Variants in MST1R observed in about 807,000 individuals in gnomAD.
The protein encoded by MST1R is macrophage stimulating 1 receptor.
Under a neutral mutation model 117.8 loss-of-function variants are expected in MST1R, and 99 were observed. The ratio of observed to expected loss-of-function variants is 0.84; its 90% CI spans 0.71 to 0.99. The LOEUF is 0.99. Ranked by LOEUF, MST1R falls within the 50% of genes least tolerant of loss-of-function variation. MST1R has a pLI of 0.00. For missense variants in MST1R, 1,683 were observed against 1,840.2 expected (o/e 0.91, Z 1.56); for synonymous variants, 734 against 765.3 (o/e 0.96, Z 0.68).
chr3:49,891,625 T>C (rs1420442874), intron 15 of MST1R, 45 bp from the exon 16 acceptor site: 13 of 1,611,668 alleles, frequency 8.1e-6, no homozygotes, highest in Non-Finnish European at 1.1e-5. Context: ...CGTCCCTTTA[T>C]AAGGCTCAGA....
intron 1 of MST1R, among the ~76,000 whole-genome samples, chr3:49,900,487 C>T (rs2082642162): frequency 6.6e-6 from 1 of 152,200 alleles, no homozygotes; most frequent in African/African-American, 2.4e-5. Context: ...AAGGCTCCAT[C>T]AGACCACAGA....
In MST1R at chr3:49,891,206, C is replaced by T. The variant is rs1008363508; in HGVS notation, c.3635G>A (p.Arg1212Gln). The T allele has an allele frequency of 1.7e-5, 28 of 1,613,704 alleles. No homozygotes were observed. Among genetic ancestry groups the T allele is most frequent in the Admixed American group, 1.3e-4 (8 of 60,010 alleles). The change falls in exon 17 of 20, where the codon CGG becomes CAG. Residue 1212 changes from arginine (R) to glutamine (Q), a missense_variant. Arg to Gln is a conservative substitution (Grantham distance 43). Coordinates refer to ENST00000296474, the MANE Select transcript of MST1R (RefSeq NM_002447.4). ...QKFVHRDLAA[R>Q]NCMLDESFTV... The stretch of plus-strand genomic sequence containing the variant: ...TACTCTGGACTCTCACATGCAGTTC[C>T]GCGCAGCCAGGTCCCTGTGCACAAA...
At chr3:49,888,435 CAA>C (rs35017850) in intron 19 of MST1R, among the ~76,000 whole-genome samples, 14 of 105,572 alleles carry the variant, frequency 1.3e-4, no homozygotes, top group African/African-American at 1.1e-4. Flanking sequence ...GACTCCATCT[CAA>C]AAAAAAAAAA....
intron 1 of MST1R, 77 bp downstream of exon 1, chr3:49,902,303 C>A: frequency 6.5e-7 from 1 of 1,534,282 alleles, no homozygotes. Context: ...CAGATCCCCT[C>A]AGTGATGGAA....
At chr3:49,897,782 G>A in intron 5 of MST1R, 97 bp from the exon 6 acceptor site, 1 of 1,453,778 alleles carries the variant, frequency 6.9e-7, no homozygotes, top group Admixed American at 2.3e-5. Flanking sequence ...GCCAGAGAAT[G>A]GCATTTCTCC....
Position 49,898,364 on chromosome 3 carries a change from T to C in MST1R, c.1720-153A>G, listed in dbSNP as rs1415365199. ...TCAAGCACTTTCCTGCCTCCAAGTC[T>C]TTGCATGTGGCATCCCCTCTGACAA... On this transcript the variant is annotated intron_variant, in intron 4 of 19. Coordinates refer to ENST00000296474, the MANE Select transcript of MST1R (RefSeq NM_002447.4). Among the ~76,000 whole-genome samples the C allele has an allele frequency of 2.0e-5, 3 of 152,200 alleles. No individual in the cohort carries two copies. The East Asian group carries it at 5.8e-4, about 29-fold the overall frequency.
In MST1R at chr3:49,897,556, T is replaced by C. The variant is rs2082522310; in HGVS notation, c.2010A>G (p.Val670=). The change falls in exon 6 of 20, where the codon GTA becomes GTG. Residue 670 remains valine, a synonymous_variant. Coordinates refer to ENST00000296474, the MANE Select transcript of MST1R (RefSeq NM_002447.4). ...TNMPPGKHFR[V]DGTSVLRGFS... ...AGCCTCTCAGCACGGAGGTGCCGTC[T>C]ACCCGGAAGTGCTTGCCCGGTGGCA... 6.2e-7 allele frequency: 1 copy of C among 1,614,062 alleles called. No individual in the cohort carries two copies. Among genetic ancestry groups the C allele is most frequent in the South Asian group, 1.1e-5 (1 of 91,088 alleles).
Position 49,890,625 on chromosome 3 carries a change from C to T in MST1R, c.3670G>A (p.Val1224Met). Residue 1224 changes from valine (V) to methionine (M), a missense_variant, in exon 18 of 20, where the codon GTG (valine) becomes ATG (methionine). Val to Met is a conservative substitution (Grantham distance 21). Coordinates refer to ENST00000296474, the MANE Select transcript of MST1R (RefSeq NM_002447.4). ...CMLDESFTVK[V>M]ADFGLARDIL... ...TCGCGGGCCAAACCAAAGTCAGCCACCTTGACTGTGAATGACTCGTCCAGC... is the reference window on the plus strand; with the variant it reads ...TCGCGGGCCAAACCAAAGTCAGCCATCTTGACTGTGAATGACTCGTCCAGC... The T allele has an allele frequency of 6.2e-7, 1 of 1,613,408 alleles. No homozygotes were observed. Among genetic ancestry groups the T allele is most frequent in the Admixed American group, 1.7e-5 (1 of 59,980 alleles).
chr3:49,895,046 C>A, intron 14 of MST1R, 121 bp downstream of exon 14: 1 of 984,314 alleles, frequency 1.0e-6, no homozygotes, highest in Non-Finnish European at 1.6e-6. Flanking sequence ...CTCCTGACCT[C>A]ATGATCTGCC....
chr3:49,895,440 A>T lies in MST1R; in HGVS notation c.3064+7T>A, dbSNP rs770170517. On this transcript the variant is annotated splice_region_variant and intron_variant, in intron 13 of 19. Coordinates refer to ENST00000296474, the MANE Select transcript of MST1R (RefSeq NM_002447.4). Reference sequence around the variant, plus strand: ...GGCTTTAGCTTCTCATGCCTCCACTATCTCACCAAGGCCACTTCTGTAGTC... The same window carrying T: ...GGCTTTAGCTTCTCATGCCTCCACTTTCTCACCAAGGCCACTTCTGTAGTC... 1.9e-6 allele frequency: 3 copies of T among 1,614,144 alleles called. No individual in the cohort carries two copies. In the East Asian group the frequency reaches 6.7e-5, roughly 36 times the overall value.
chr3:49,891,007 T>G (rs976049784), intron 17 of MST1R, among the ~76,000 whole-genome samples, 190 bp downstream of exon 17: 6 of 152,162 alleles, frequency 3.9e-5, no homozygotes, highest in Non-Finnish European at 5.9e-5. Context: ...ATTACAGACG[T>G]GAGCCACCGC....
At chr3:49,891,605 C>T in intron 15 of MST1R, 25 bp from the exon 16 acceptor site, 1 of 1,612,538 alleles carries the variant, frequency 6.2e-7, no homozygotes, top group Non-Finnish European at 8.5e-7. Context: ...AAGTCAGGCA[C>T]AGGGCAGGGC....
In MST1R at chr3:49,896,798, G is replaced by A. The variant is rs768326110; in HGVS notation, c.2276C>T (p.Pro759Leu). 3.2e-6 allele frequency: 5 copies of A among 1,563,900 alleles called. No homozygotes were observed. In the Admixed American group the frequency reaches 5.7e-5, roughly 18 times the overall value. Residue 759 changes from proline (P) to leucine (L), a missense_variant, in exon 8 of 20, where the codon CCT becomes CTT. Physicochemically the swap from Pro to Leu is moderately conservative, Grantham distance 98. Coordinates refer to ENST00000296474, the MANE Select transcript of MST1R (RefSeq NM_002447.4). ...LSLQVGGAQV[P>L]GSWTFQYRED... is the part of the protein sequence containing the mutation. ...TCTGTACTGGAAGGTCCAGGAACCA[G>A]GTACCTGGGCACCCCCCACCTGCAG...
rs1241409743 is a variant in MST1R, at chr3:49,896,735, C to A, written c.2339G>T (p.Gly780Val). Reference protein sequence around the residue: ...PVVLSISPNCGYINSHITICG... With the variant: ...PVVLSISPNCVYINSHITICG... Reference sequence around the variant, plus strand: ...GCAAAGAGGCAGTGCTTACATGTAGCCACAGTTGGGGCTGATGCTTAGCAC... The same window carrying A: ...GCAAAGAGGCAGTGCTTACATGTAGACACAGTTGGGGCTGATGCTTAGCAC... The change falls in exon 8 of 20, where the codon GGC (glycine) becomes GTC (valine). Residue 780 changes from glycine (G) to valine (V), a missense_variant. Coordinates refer to ENST00000296474, the MANE Select transcript of MST1R (RefSeq NM_002447.4). 1 of 1,595,832 alleles carries A rather than the reference C, an allele frequency of 6.3e-7. No homozygotes were observed.
Position 49,897,700 on chromosome 3 carries a change from G to A in MST1R, c.1881-15C>T. ...GGGGCACTGGTCTGGGGCACCAGGGGAACCCCTGAGGTCAGCCAGGAATTA... is the reference window on the plus strand; with the variant it reads ...GGGGCACTGGTCTGGGGCACCAGGGAAACCCCTGAGGTCAGCCAGGAATTA... On this transcript the variant is annotated splice_polypyrimidine_tract_variant and intron_variant, in intron 5 of 19. Coordinates refer to ENST00000296474, the MANE Select transcript of MST1R (RefSeq NM_002447.4). 1 of 1,602,950 alleles carries A rather than the reference G, an allele frequency of 6.2e-7. No individual in the cohort carries two copies. The highest frequency in any genetic ancestry group is 2.2e-5 in the East Asian group (1 of 44,822).
intron 19 of MST1R, among the ~76,000 whole-genome samples, chr3:49,889,197 C>A (rs1173065846): frequency 1.3e-5 from 2 of 152,216 alleles, no homozygotes; most frequent in Non-Finnish European, 2.9e-5. Flanking sequence ...CTCAGTAAAT[C>A]CCCGTACATA....
intron 5 of MST1R, 135 bp downstream of exon 5, chr3:49,897,916 C>A (rs1237100332): frequency 1.6e-5 from 21 of 1,318,498 alleles, no homozygotes; most frequent in African/African-American, 4.4e-5. Flanking sequence ...CTTTTTGACT[C>A]TCAAAAAGCA....
In MST1R at chr3:49,898,905, G is replaced by A. The variant is rs34350470; in HGVS notation, c.1510C>T (p.Arg504Cys). Residue 504 changes from arginine to cysteine, a missense_variant, in exon 3 of 20, where the codon CGT becomes TGT. By Grantham distance (180) the Arg-to-Cys change is radical. Transcript: ENST00000296474. Reference protein sequence around the residue: ...SGQPVQRDVSRLGDHLLFASG... With the variant: ...SGQPVQRDVSCLGDHLLFASG... Reference sequence around the variant, plus strand: ...GCAAAGAGTAGGTGGTCCCCAAGACGACTGACATCCCGCTGCACGGGCTGC... The same window carrying A: ...GCAAAGAGTAGGTGGTCCCCAAGACAACTGACATCCCGCTGCACGGGCTGC... 4.3e-5 allele frequency: 70 copies of A among 1,614,002 alleles called. 1 individual carries two copies. In the East Asian group the frequency reaches 1.2e-3, roughly 28 times the overall value.
intron 1 of MST1R, 165 bp from the exon 2 acceptor site, chr3:49,899,428 G>A (rs2082594976): frequency 2.9e-6 from 2 of 701,742 alleles, no homozygotes; most frequent in Non-Finnish European, 4.7e-6. Flanking sequence ...CCCCCACAGG[G>A]CTCTCAGTGT....
Sources: allele counts gnomAD v4.1 joint callset (sites outside exome capture counted in the v4.1 genomes callset), GRCh38; gene constraint gnomAD v4.1.1; transcripts MANE v1.5; gene names NCBI Gene and HGNC (gene_info 2026-07-23, HGNC 2026-07-21).